Variants in WDR93 observed in about 807,000 individuals in gnomAD.
WDR93 encodes WD repeat-containing protein 93.
WDR93 carries 73 observed loss-of-function variants against 82.9 expected under a neutral mutation model. That is an observed-to-expected ratio of 0.88 (90% CI 0.73 to 1.07). WDR93 has a LOEUF of 1.07. Among genes scored for constraint, WDR93 ranks in the 50% least tolerant of loss-of-function variants. The pLI, the probability that WDR93 is intolerant of heterozygous loss-of-function variation, is 0.00. For missense variants in WDR93, 738 were observed against 826.0 expected (o/e 0.89, Z 1.31); for synonymous variants, 283 against 300.1 (o/e 0.94, Z 0.59).
At chr15:89,713,482 T>G (rs1325820063) in intron 5 of WDR93, among the ~76,000 whole-genome samples, 1 of 52,008 alleles carries the variant, frequency 1.9e-5, no homozygotes. Flanking sequence ...TTTATTTTGT[T>G]TTTTTTTTGA....
chr15:89,739,281 G>C (rs1404877413), intron 16 of WDR93, among the ~76,000 whole-genome samples: 1 of 152,174 alleles, frequency 6.6e-6, no homozygotes, highest in African/African-American at 2.4e-5. Context: ...TATGGCTACT[G>C]TATGCTATGG....
At chr15:89,690,681 C>G, upstream of WDR93, 1 of 1,397,292 alleles carries the variant, frequency 7.2e-7, no homozygotes, top group Non-Finnish European at 9.9e-7. Flanking sequence ...GGCGTGGGTC[C>G]TCTGGGGCCC....
Position 89,729,734 on chromosome 15 carries a change from T to G in WDR93, c.1175T>G (p.Leu392Arg). ...IHWTRSHNFF[L>R]YSLNRTLKDK... The stretch of plus-strand genomic sequence containing the variant: ...TGGACCAGAAGTCACAATTTCTTCC[T>G]GTATTCACTAAACCGAACTCTAAAG... The change falls in exon 11 of 17, where the codon CTG becomes CGG. Residue 392 changes from leucine to arginine, a missense_variant. Transcript: ENST00000268130. The G allele has an allele frequency of 6.2e-7, 1 of 1,613,600 alleles. No individual in the cohort carries two copies. The highest frequency in any genetic ancestry group is 2.2e-5 in the East Asian group (1 of 44,846).
rs139583177 is a variant in WDR93, at chr15:89,701,893, G to A, written c.147G>A (p.Glu49=). ...QDHVLVDPDE[E]LDSLPQPYRM... is the part of the protein sequence containing the mutation. ...ATGTCCTCGTGGATCCAGATGAGGAGCTGGATTCCTTGCCTCAGCCTTATC... is the reference window on the plus strand; with the variant it reads ...ATGTCCTCGTGGATCCAGATGAGGAACTGGATTCCTTGCCTCAGCCTTATC... The change falls in exon 2 of 17, where the codon GAG becomes GAA. Residue 49 remains glutamate (E), a synonymous_variant. Coordinates refer to ENST00000268130, the MANE Select transcript of WDR93 (RefSeq NM_020212.2). 5,344 of 1,614,218 alleles carry A rather than the reference G, an allele frequency of 3.3e-3. 23 individuals are homozygous for A. The highest frequency in any genetic ancestry group is 5.2e-3 in the Admixed American group (315 of 60,032).
At chr15:89,698,007 G>A (rs1965270390) in intron 1 of WDR93, among the ~76,000 whole-genome samples, 1 of 150,654 alleles carries the variant, frequency 6.6e-6, no homozygotes, top group Non-Finnish European at 1.5e-5. Context: ...AGCCTCCCAA[G>A]TAGCTGGGAC....
intron 1 of WDR93, among the ~76,000 whole-genome samples, chr15:89,695,095 C>G (rs1965101827): frequency 6.6e-6 from 1 of 151,350 alleles, no homozygotes; most frequent in African/African-American, 2.4e-5. Context: ...TGTGATAAGT[C>G]TTGAAATTAA....
chr15:89,710,364 A>T (rs1195679187), intron 4 of WDR93, among the ~76,000 whole-genome samples: 1 of 152,228 alleles, frequency 6.6e-6, no homozygotes, highest in Non-Finnish European at 1.5e-5. Context: ...AAATTATATG[A>T]AACTTAAGAA....
rs1964829944 is a variant in WDR93 at position 89,690,822 on chromosome 15, T to C, written c.-76T>C. 1 of 560,974 alleles carries C rather than the reference T, an allele frequency of 1.8e-6. No homozygotes were observed. The highest frequency in any genetic ancestry group is 3.2e-6 in the Non-Finnish European group (1 of 315,002). 34.7% of individuals were successfully genotyped at this position (560,974 alleles called of 1,614,324 possible). On this transcript the variant is annotated 5_prime_UTR_variant, in exon 1 of 17. Transcript: ENST00000268130. The stretch of plus-strand genomic sequence containing the variant: ...CGGACTTCCGGTTCAAGCCGGAAGT[T>C]GTGGTTACCAAGGCGACGCAACGCC...
intron 1 of WDR93, among the ~76,000 whole-genome samples, chr15:89,700,295 T>G (rs959394614): frequency 1.3e-5 from 2 of 152,108 alleles, no homozygotes; most frequent in Non-Finnish European, 2.9e-5. Flanking sequence ...CACTAATTAC[T>G]TCAGGTGGTT....
intron 1 of WDR93, among the ~76,000 whole-genome samples, chr15:89,694,360 G>A (rs112930159): frequency 0.12 from 17,963 of 147,688 alleles, 1,664 homozygotes; most frequent in African/African-American, 0.26. Flanking sequence ...TCAGCCCCCC[G>A]AGTAGCTGGG....
At chr15:89,704,589 AGAATACTGGGT>A in intron 3 of WDR93, 1 of 152,362 alleles carries the variant, frequency 6.6e-6, no homozygotes. Flanking sequence ...TTTGTGCCTT[AGAATACTGGGT>A]GGATGATGAT....
intron 1 of WDR93, among the ~76,000 whole-genome samples, chr15:89,698,756 TTTTG>T (rs1329359484): frequency 6.6e-6 from 1 of 152,198 alleles, no homozygotes; most frequent in Non-Finnish European, 1.5e-5. Flanking sequence ...ATTTTTATTT[TTTTG>T]TTTAAGCATT....
chr15:89,719,475 C>T (rs1966421510), intron 7 of WDR93: 1 of 152,150 alleles, frequency 6.6e-6, no homozygotes, highest in Non-Finnish European at 1.5e-5. Flanking sequence ...TCCATTTTGT[C>T]TAAGTTGTCA....
intron 7 of WDR93, among the ~76,000 whole-genome samples, chr15:89,720,613 T>A (rs1966486917): frequency 6.6e-6 from 1 of 152,212 alleles, no homozygotes; most frequent in African/African-American, 2.4e-5. Context: ...TGTCCAAATA[T>A]TGGAAATGTT....
chr15:89,721,745 C>A (rs1966536768), intron 7 of WDR93, among the ~76,000 whole-genome samples: 2 of 147,060 alleles, frequency 1.4e-5, no homozygotes, highest in African/African-American at 5.1e-5. Context: ...CCACTTCAGC[C>A]TCCAGAGTAG....
chr15:89,728,877 C>T (rs931573193), intron 9 of WDR93, 146 bp from the exon 10 acceptor site: 2 of 745,562 alleles, frequency 2.7e-6, no homozygotes, highest in Admixed American at 3.9e-5. Context: ...GGACCAGCAC[C>T]TAGAATGTGA....
intron 8 of WDR93, among the ~76,000 whole-genome samples, chr15:89,726,936 C>T (rs1966759594): frequency 6.6e-6 from 1 of 152,118 alleles, no homozygotes; most frequent in African/African-American, 2.4e-5. Context: ...GATGAAGATA[C>T]AGAAGAAGGA....
chr15:89,740,642 C>T (rs1259937331), intron 16 of WDR93, among the ~76,000 whole-genome samples: 1 of 151,964 alleles, frequency 6.6e-6, no homozygotes, highest in Admixed American at 6.6e-5. Flanking sequence ...GCTGGGATTA[C>T]AGGCATGCGC....
intron 4 of WDR93, among the ~76,000 whole-genome samples, chr15:89,708,120 C>G (rs895153729): frequency 1.3e-5 from 2 of 152,042 alleles, no homozygotes; most frequent in African/African-American, 4.8e-5. Flanking sequence ...TCTGTTGTTG[C>G]CTGGGGCAAC....
Sources: allele counts gnomAD v4.1 joint callset (sites outside exome capture counted in the v4.1 genomes callset), GRCh38; gene constraint gnomAD v4.1.1; transcripts MANE v1.5; gene names NCBI Gene and HGNC (gene_info 2026-07-23, HGNC 2026-07-21).